Variants in TMEM132C observed in about 807,000 individuals in gnomAD.
The protein encoded by TMEM132C is transmembrane protein 132C.
In TMEM132C, 29 loss-of-function variants were observed where a neutral mutation model predicts 61.4. The observed-to-expected ratio is 0.47, with a 90% CI of 0.35 to 0.64. TMEM132C has a LOEUF of 0.64. TMEM132C is among the 30% of genes least tolerant of loss of function. TMEM132C has a pLI of 0.00. For synonymous variants in TMEM132C, 656 were observed against 633.1 expected (o/e 1.04, Z -0.54); for missense variants, 1,408 against 1,476.9 (o/e 0.95, Z 0.76).
intron 1 of TMEM132C, among the ~76,000 whole-genome samples, chr12:128,307,062 C>A (rs1871808400): frequency 6.6e-6 from 1 of 152,078 alleles, no homozygotes; most frequent in Non-Finnish European, 1.5e-5. Context: ...AAGGAATAAC[C>A]TCCTTCTTTC....
In TMEM132C at chr12:128,380,290, G is replaced by A. The variant is rs147694551; in HGVS notation, c.86-34442G>A. 6.1e-3 allele frequency among the ~76,000 whole-genome samples: 928 copies of A among 152,376 alleles called. 11 individuals carry two copies. Among genetic ancestry groups the A allele is most frequent in the African/African-American group, 0.021 (893 of 41,584 alleles). ...TAGTGTTGGAGATGCCCTAGGGCAT[G>A]TGGCCAGATGTTTGTGAGAAATAAA... On this transcript the variant is annotated intron_variant, in intron 1 of 8. Coordinates refer to ENST00000435159, the MANE Select transcript of TMEM132C (RefSeq NM_001136103.3).
chr12:128,650,641 ATTGT>A (rs955335240), intron 4 of TMEM132C, among the ~76,000 whole-genome samples: 3 of 152,120 alleles, frequency 2.0e-5, no homozygotes, highest in Middle Eastern at 3.4e-3. Context: ...AAATGGGAAG[ATTGT>A]TTGAGCCTAG....
At chr12:128,374,177 C>G (rs1874112134) in intron 1 of TMEM132C, among the ~76,000 whole-genome samples, 1 of 152,122 alleles carries the variant, frequency 6.6e-6, no homozygotes, top group Non-Finnish European at 1.5e-5. Flanking sequence ...GTGACACACA[C>G]AGAGGTTGGG....
intron 1 of TMEM132C, among the ~76,000 whole-genome samples, chr12:128,341,587 C>A (rs1235291456): frequency 6.6e-6 from 1 of 152,174 alleles, no homozygotes; most frequent in Non-Finnish European, 1.5e-5. Flanking sequence ...GAGCTAACTA[C>A]TCTATACAAT....
At chr12:128,276,872 G>A (rs530173889) in intron 1 of TMEM132C, among the ~76,000 whole-genome samples, 2 of 141,868 alleles carry the variant, frequency 1.4e-5, no homozygotes, top group East Asian at 2.2e-4. Flanking sequence ...ACACACACAT[G>A]TGTGCATGCA....
chr12:128,500,239 C>T (rs924644914), intron 2 of TMEM132C, among the ~76,000 whole-genome samples: 2 of 152,184 alleles, frequency 1.3e-5, no homozygotes, highest in Admixed American at 6.5e-5. Context: ...AAAACTTGAA[C>T]TCCTAGAAGA....
At chr12:128,513,040 T>A (rs1872615676) in intron 2 of TMEM132C, among the ~76,000 whole-genome samples, 1 of 152,034 alleles carries the variant, frequency 6.6e-6, no homozygotes, top group Non-Finnish European at 1.5e-5. Context: ...ATGGATGATA[T>A]GCCGGGAGGG....
intron 2 of TMEM132C, among the ~76,000 whole-genome samples, chr12:128,465,648 A>G (rs927038385): frequency 1.3e-5 from 2 of 152,188 alleles, no homozygotes; most frequent in East Asian, 1.9e-4. Flanking sequence ...TTCCTGTCTC[A>G]TCCTACCCTG....
chr12:128,500,506 A>G (rs570923229), intron 2 of TMEM132C, among the ~76,000 whole-genome samples: 3 of 152,198 alleles, frequency 2.0e-5, no homozygotes, highest in Non-Finnish European at 1.5e-5. Flanking sequence ...CAAAAAGTCA[A>G]ATAATTCCAC....
intron 1 of TMEM132C, among the ~76,000 whole-genome samples, chr12:128,295,653 AAAGAAAG>A (rs1871387721): frequency 1.2e-5 from 1 of 85,632 alleles, no homozygotes. Flanking sequence ...AAAAAAAAAA[AAAGAAAG>A]AAAAAAGGGT....
chr12:128,639,226 AATGGTGATGATGATGGTGATAATGATG>A (rs1954133740), intron 4 of TMEM132C, among the ~76,000 whole-genome samples: 1 of 137,370 alleles, frequency 7.3e-6, no homozygotes, highest in African/African-American at 2.8e-5. Flanking sequence ...TGATAATGAC[AATGGTGATGATGATGGTGATAATGATG>A]ATGGTGATGA....
At chr12:128,649,546 G>A (rs1275926612) in intron 4 of TMEM132C, among the ~76,000 whole-genome samples, 2 of 152,208 alleles carry the variant, frequency 1.3e-5, no homozygotes, top group East Asian at 1.9e-4. Context: ...TACTGCTGGA[G>A]CAGGCTCTGC....
At chr12:128,659,110 G>A (rs1176664262) in intron 4 of TMEM132C, among the ~76,000 whole-genome samples, 3 of 152,322 alleles carry the variant, frequency 2.0e-5, no homozygotes, top group African/African-American at 4.8e-5. Context: ...TTTCCATAAA[G>A]GGCTAGATAG....
intron 6 of TMEM132C, among the ~76,000 whole-genome samples, chr12:128,694,534 G>A (rs1196650980): frequency 2.6e-5 from 4 of 152,116 alleles, no homozygotes; most frequent in African/African-American, 9.7e-5. Context: ...CAAGAGTATG[G>A]GGTCTTGTTT....
At chr12:128,549,908 G>A (rs1593096557) in intron 3 of TMEM132C, among the ~76,000 whole-genome samples, 1 of 152,166 alleles carries the variant, frequency 6.6e-6, no homozygotes, top group Admixed American at 6.5e-5. Flanking sequence ...AAGAGCTGGA[G>A]GTGGAATTCA....
intron 3 of TMEM132C, among the ~76,000 whole-genome samples, chr12:128,581,299 A>G (rs528473869): frequency 6.6e-5 from 10 of 152,070 alleles, no homozygotes; most frequent in Non-Finnish European, 1.5e-4. Context: ...AACAAAAGAA[A>G]TGTTTAATTT....
At chr12:128,311,593 G>A (rs1308154397) in intron 1 of TMEM132C, among the ~76,000 whole-genome samples, 2 of 152,194 alleles carry the variant, frequency 1.3e-5, no homozygotes, top group Non-Finnish European at 2.9e-5. Flanking sequence ...CCAGAGGTGC[G>A]CTTAGCTCAC....
At chr12:128,448,584 C>T (rs956922004) in intron 2 of TMEM132C, among the ~76,000 whole-genome samples, 1 of 152,146 alleles carries the variant, frequency 6.6e-6, no homozygotes, top group African/African-American at 2.4e-5. Flanking sequence ...TATAACACTG[C>T]TTTTGCCACC....
At chr12:128,410,132 C>A (rs1037359224) in intron 1 of TMEM132C, among the ~76,000 whole-genome samples, 1 of 151,650 alleles carries the variant, frequency 6.6e-6, no homozygotes, top group African/African-American at 2.4e-5. Context: ...AAAAAAAGAC[C>A]AAGATGTCTT....
Sources: allele counts gnomAD v4.1 joint callset (sites outside exome capture counted in the v4.1 genomes callset), GRCh38; gene constraint gnomAD v4.1.1; transcripts MANE v1.5; gene names NCBI Gene and HGNC (gene_info 2026-07-23, HGNC 2026-07-21).